ZNF875: variants seen among roughly 807,000 people sequenced by gnomAD.
The protein encoded by ZNF875 is HKR1, GLI-Kruppel zinc finger family member.
ZNF875 carries 14 observed loss-of-function variants against 11.2 expected under a neutral mutation model. That is an observed-to-expected ratio of 1.26 (90% CI 0.83 to 1.96). The LOEUF is 1.96. Among genes scored for constraint, ZNF875 ranks in the 30% most tolerant of loss-of-function variants. The pLI, the probability that ZNF875 is intolerant of heterozygous loss-of-function variation, is 0.00. For missense variants in ZNF875, 752 were observed against 760.4 expected (o/e 0.99, Z 0.13); for synonymous variants, 301 against 281.1 (o/e 1.07, Z -0.71).
chr19:37,322,337 T>C (rs2031636109), intron 2 of ZNF875: 1 of 152,260 alleles, frequency 6.6e-6, no homozygotes. Flanking sequence ...TCATAGATTC[T>C]CAGGGATATT....
At chr19:37,356,705 C>A (rs1001000373) in intron 4 of ZNF875, among the ~76,000 whole-genome samples, 17 of 152,064 alleles carry the variant, frequency 1.1e-4, no homozygotes, top group African/African-American at 4.1e-4. Context: ...TGTTTAAGTT[C>A]CTTATGTTTC....
At chr19:37,353,941 G>C (rs1354920337) in intron 4 of ZNF875, among the ~76,000 whole-genome samples, 2 of 151,898 alleles carry the variant, frequency 1.3e-5, no homozygotes, top group Admixed American at 1.3e-4. Context: ...GAAGTACTTG[G>C]CTATTATTTC....
intron 2 of ZNF875, chr19:37,346,256 A>C (rs552956404): frequency 6.6e-6 from 1 of 152,314 alleles, no homozygotes; most frequent in South Asian, 2.1e-4. Flanking sequence ...TCCTCACCAC[A>C]AGCTGTGAGA....
intron 4 of ZNF875, 184 bp from the exon 5 acceptor site, chr19:37,361,925 C>T: frequency 5.5e-6 from 3 of 544,160 alleles, no homozygotes; most frequent in Non-Finnish European, 9.6e-6. Flanking sequence ...AAAAAAAAAA[C>T]AAAAAAACAA....
chr19:37,323,650 G>A (rs1478491607), intron 3 of ZNF875: 1 of 152,190 alleles, frequency 6.6e-6, no homozygotes, highest in Non-Finnish European at 1.5e-5. Flanking sequence ...GCACGAGAGT[G>A]GTCAGGTGGA....
At chr19:37,360,210 C>T (rs2039677139) in intron 4 of ZNF875, among the ~76,000 whole-genome samples, 1 of 152,160 alleles carries the variant, frequency 6.6e-6, no homozygotes, top group Admixed American at 6.5e-5. Context: ...ACCTTGGCAC[C>T]TTTATCAAAA....
At chr19:37,346,402 C>T (rs2036777018) in intron 2 of ZNF875, 1 of 152,356 alleles carries the variant, frequency 6.6e-6, no homozygotes, top group South Asian at 2.1e-4. Context: ...CTCTTCATCA[C>T]CACCCACTTT....
intron 2 of ZNF875, among the ~76,000 whole-genome samples, chr19:37,336,770 TG>T (rs1343557243): frequency 2.6e-5 from 4 of 151,356 alleles, no homozygotes; most frequent in Non-Finnish European, 4.4e-5. Context: ...TAGCTGGGCA[TG>T]GTGGCAAGCG....
chr19:37,314,451 C>T (rs144884152), upstream of ZNF875, among the ~76,000 whole-genome samples: 33 of 152,282 alleles, frequency 2.2e-4, no homozygotes, highest in African/African-American at 6.5e-4. Context: ...ACTTTGGCAT[C>T]TAATGGAAAA....
intron 4 of ZNF875, chr19:37,324,387 G>A (rs1393693902): frequency 2.6e-5 from 4 of 152,110 alleles, no homozygotes; most frequent in Non-Finnish European, 4.4e-5. Flanking sequence ...TGACCCATCT[G>A]TAGACCTCAG....
chr19:37,347,036 C>A, intron 2 of ZNF875, 154 bp from the exon 3 acceptor site: 1 of 845,244 alleles, frequency 1.2e-6, no homozygotes, highest in Non-Finnish European at 1.9e-6. Context: ...AGGCTGATCT[C>A]AAACTCTCGA....
At chr19:37,343,370 CAAA>C (rs34474063) in intron 2 of ZNF875, among the ~76,000 whole-genome samples, 1 of 120,980 alleles carries the variant, frequency 8.3e-6, no homozygotes, top group Non-Finnish European at 1.8e-5. Flanking sequence ...AAAATAAAAC[CAAA>C]AAAAAAAAAA....
In ZNF875 at chr19:37,364,103, T is replaced by A. The variant is rs1290194013; in HGVS notation, c.*328T>A. On this transcript the variant is annotated 3_prime_UTR_variant, in exon 5 of 5. Transcript: ENST00000392153. ...GTGGGTACCTGGTGAAACCCAACCTTAAAGCTGAAGACAGTCCCGGCTAAA... is the reference window on the plus strand; with the variant it reads ...GTGGGTACCTGGTGAAACCCAACCTAAAAGCTGAAGACAGTCCCGGCTAAA... 1 of 299,110 alleles carries A rather than the reference T, an allele frequency of 3.3e-6. No individual in the cohort carries two copies. Among genetic ancestry groups the A allele is most frequent in the Non-Finnish European group, 6.3e-6 (1 of 159,988 alleles). 18.5% of individuals were successfully genotyped at this position (299,110 alleles called of 1,614,324 possible). A position where few individuals can be genotyped will look rare whatever the true frequency, so the allele number is the denominator to read the frequency against.
At chr19:37,343,556 G>A (rs768634821) in intron 2 of ZNF875, among the ~76,000 whole-genome samples, 2 of 152,116 alleles carry the variant, frequency 1.3e-5, no homozygotes, top group African/African-American at 2.4e-5. Flanking sequence ...TGACAGCTTG[G>A]TTGGCTGGGA....
At chr19:37,349,641 C>T (rs2037463976) in intron 4 of ZNF875, among the ~76,000 whole-genome samples, 1 of 151,920 alleles carries the variant, frequency 6.6e-6, no homozygotes, top group Admixed American at 6.6e-5. Context: ...AATCTGTGGC[C>T]TACCTCCTTG....
At position 37,362,795 on chromosome 19, in the gene ZNF875, T is replaced by C; in HGVS notation, c.943T>C (p.Cys315Arg). The change falls in exon 5 of 5, where the codon TGT (cysteine) becomes CGT (arginine). Residue 315 changes from cysteine to arginine, a missense_variant. By Grantham distance (180) the Cys-to-Arg change is radical (BLOSUM62 -3). Transcript: ENST00000392153. Reference protein sequence around the residue: ...SGEKPYVCKDCGRGFTWKSNL... With the variant: ...SGEKPYVCKDRGRGFTWKSNL... ...GGAGAAACCTTATGTGTGCAAGGAT[T>C]GTGGACGAGGCTTTACTTGGAAGTC... 7 of 1,613,854 alleles carry C rather than the reference T, an allele frequency of 4.3e-6. No individual in the cohort carries two copies. Among genetic ancestry groups the C allele is most frequent in the Non-Finnish European group, 4.2e-6 (5 of 1,179,920 alleles).
At chr19:37,315,010 T>C (rs2030123360), upstream of ZNF875, 1 of 152,190 alleles carries the variant, frequency 6.6e-6, no homozygotes, top group Admixed American at 6.5e-5. Flanking sequence ...TTTCATTACC[T>C]TGAAGTAAAC....
chr19:37,324,582 T>C (rs2032088070), intron 4 of ZNF875, among the ~76,000 whole-genome samples: 1 of 152,206 alleles, frequency 6.6e-6, no homozygotes, highest in South Asian at 2.1e-4. Flanking sequence ...TTTTTAGCTT[T>C]AATGCTTGTG....
At position 37,363,555 on chromosome 19, in the gene ZNF875, G is replaced by A. The variant is rs199813545; in HGVS notation, c.1703G>A (p.Gly568Asp). The change falls in exon 5 of 5, where the codon GGC (glycine) becomes GAC (aspartate). Residue 568 changes from glycine (G) to aspartate (D), a missense_variant. Coordinates refer to ENST00000392153, the MANE Select transcript of ZNF875 (RefSeq NM_001353803.2). ...GAFVCRECGQ[G>D]FCAKLTLIKH... ...TTTGTGTGCAGGGAGTGTGGGCAAG[G>A]CTTTTGTGCTAAGTTAACTCTCATT... 3 of 1,613,346 alleles carry A rather than the reference G, an allele frequency of 1.9e-6. No individual in the cohort carries two copies. In the East Asian group the frequency reaches 6.7e-5, roughly 36 times the overall value.
Sources: gnomAD v4.1 joint callset for allele counts (sites outside exome capture counted in the v4.1 genomes callset) on GRCh38, gnomAD v4.1.1 for gene constraint, MANE v1.5 for transcripts, NCBI Gene and HGNC (gene_info 2026-07-23, HGNC 2026-07-21) for gene names.